The following FBN2 variants were observed in gnomAD, a reference collection of about 807,000 sequenced individuals.
FBN2 encodes fibrillin-2.
A neutral mutation model predicts 355.6 loss-of-function variants in FBN2; 105 were observed. The observed-to-expected ratio is 0.30, with a 90% CI of 0.25 to 0.35. The LOEUF (loss-of-function observed/expected upper bound fraction) is 0.35, where lower values mean the gene tolerates loss of function less well. FBN2 is among the 10% of genes least tolerant of loss of function. The pLI is 1.00. For missense variants in FBN2, 3,280 were observed against 3,758.7 expected, an observed-to-expected ratio of 0.87 and a Z score of 3.33; for synonymous variants, 1,350 against 1,301.2, an observed-to-expected ratio of 1.04 and a Z score of -0.81.
At chr5:128,407,934 A>G (rs1752972928) in intron 8 of FBN2, among the ~76,000 whole-genome samples, 1 of 152,146 alleles carries the variant, frequency 6.6e-6, no homozygotes, top group Non-Finnish European at 1.5e-5. Flanking sequence ...ACCATTCTTT[A>G]AGTATTGGAT....
chr5:128,288,905 A>T (rs1561749934), intron 52 of FBN2, among the ~76,000 whole-genome samples: 1 of 152,188 alleles, frequency 6.6e-6, no homozygotes, highest in Non-Finnish European at 1.5e-5. Context: ...GACACATAAG[A>T]TTTTGTATGT....
rs199749609 is a variant in FBN2, at chr5:128,305,493, A to C, written c.5674+18T>G. ...ATCTTGTGCTCAGTGCCAAAGAATGAGTCAGCCTCTTTCTTACCTACACAG... is the reference window on the plus strand; with the variant it reads ...ATCTTGTGCTCAGTGCCAAAGAATGCGTCAGCCTCTTTCTTACCTACACAG... On this transcript the variant is annotated intron_variant, in intron 44 of 64. Transcript: ENST00000262464. The C allele has an allele frequency of 5.5e-5, 88 of 1,613,796 alleles. No individual in the cohort carries two copies. The Middle Eastern group carries it at 1.5e-3, about 27-fold the overall frequency.
chr5:128,464,861 G>A lies in FBN2; in HGVS notation c.689C>T (p.Thr230Ile). ...CAGAGTCTTCGTGCAGACAATGCCT[G>A]TCAGCTGCCCTTGGCACATCTGGTT... ...VNNQMCQGQL[T>I]GIVCTKTLCC... Residue 230 changes from threonine to isoleucine, a missense_variant, in exon 6 of 65, where the codon ACA becomes ATA. Physicochemically the swap from Thr to Ile is moderately conservative, Grantham distance 89 (BLOSUM62 -1). Around this residue, in one of 6 missense-constraint regions of FBN2, gnomAD observed 130 missense variants for 189.9 expected, o/e 0.68. Coordinates refer to ENST00000262464, the MANE Select transcript of FBN2 (RefSeq NM_001999.4). 1 of 1,614,250 alleles carries A rather than the reference G, an allele frequency of 6.2e-7. No homozygotes were observed. Among genetic ancestry groups the A allele is most frequent in the Non-Finnish European group, 8.5e-7 (1 of 1,180,050 alleles).
chr5:128,431,121 T>G (rs1753615639), intron 7 of FBN2, among the ~76,000 whole-genome samples: 1 of 151,580 alleles, frequency 6.6e-6, no homozygotes, highest in South Asian at 2.1e-4. Flanking sequence ...TAACGAAGAG[T>G]AGAAAAAATA....
chr5:128,270,002 G>C (rs1392049602), intron 62 of FBN2, among the ~76,000 whole-genome samples: 1 of 152,112 alleles, frequency 6.6e-6, no homozygotes, highest in African/African-American at 2.4e-5. Flanking sequence ...CAGACATATA[G>C]ACCAATGGCA....
intron 27 of FBN2, among the ~76,000 whole-genome samples, chr5:128,337,051 C>A (rs949105526): frequency 2.0e-5 from 3 of 152,104 alleles, no homozygotes; most frequent in African/African-American, 7.2e-5. Context: ...AACTAAATAA[C>A]AAAGTAAACT....
intron 8 of FBN2, among the ~76,000 whole-genome samples, chr5:128,403,090 T>C (rs1581266670): frequency 6.6e-6 from 1 of 152,312 alleles, no homozygotes; most frequent in East Asian, 1.9e-4. Context: ...CCAAGTGTTT[T>C]GTTTCAAATG....
At chr5:128,424,152 C>T (rs1753425533) in intron 7 of FBN2, among the ~76,000 whole-genome samples, 1 of 152,032 alleles carries the variant, frequency 6.6e-6, no homozygotes, top group African/African-American at 2.4e-5. Flanking sequence ...CAGGCAGCTC[C>T]AGACAAAGGT....
intron 11 of FBN2, among the ~76,000 whole-genome samples, chr5:128,389,631 C>T (rs896058113): frequency 6.6e-6 from 1 of 152,196 alleles, no homozygotes; most frequent in African/African-American, 2.4e-5. Flanking sequence ...GGTGCCAAAC[C>T]CTCTGGGCTC....
chr5:128,345,246 C>T, intron 24 of FBN2, 111 bp downstream of exon 24: 1 of 906,674 alleles, frequency 1.1e-6, no homozygotes, highest in South Asian at 1.3e-5. Context: ...CTAAGTTTAA[C>T]TGAGAAAATA....
intron 39 of FBN2, among the ~76,000 whole-genome samples, chr5:128,310,948 ATTAAG>A (rs939200456): frequency 1.3e-5 from 2 of 152,188 alleles, no homozygotes; most frequent in Admixed American, 6.5e-5. Context: ...ACTGATCAAT[ATTAAG>A]TTAATGGTCA....
At chr5:128,514,073 C>A (rs1024156321) in intron 5 of FBN2, among the ~76,000 whole-genome samples, 1 of 151,854 alleles carries the variant, frequency 6.6e-6, no homozygotes, top group South Asian at 2.1e-4. Context: ...AGTCTGACAT[C>A]TGCAGTTGGT....
At chr5:128,424,789 G>A (rs1372909745) in intron 7 of FBN2, among the ~76,000 whole-genome samples, 1 of 152,142 alleles carries the variant, frequency 6.6e-6, no homozygotes, top group Non-Finnish European at 1.5e-5. Context: ...CTAATTTGCA[G>A]TAACTCAGGC....
In FBN2 at chr5:128,509,814, G is replaced by A. The variant is rs141964831; in HGVS notation, c.628+9459C>T. On this transcript the variant is annotated intron_variant, in intron 5 of 64. Transcript: ENST00000262464. ...TAGTTAATTGTTCTCCACTATTGAGGCAACACTATTCTGAGTACTCTAACC... is the reference window on the plus strand; with the variant it reads ...TAGTTAATTGTTCTCCACTATTGAGACAACACTATTCTGAGTACTCTAACC... 8.8e-3 allele frequency among the ~76,000 whole-genome samples: 1,341 copies of A among 152,156 alleles called. 11 individuals are homozygous for A. The highest frequency in any genetic ancestry group is 0.014 in the Non-Finnish European group (968 of 68,026).
chr5:128,380,462 T>A (rs1752201828), intron 11 of FBN2, among the ~76,000 whole-genome samples: 1 of 152,074 alleles, frequency 6.6e-6, no homozygotes, highest in South Asian at 2.1e-4. Context: ...TGCAGGACTG[T>A]TTTCTCCCCT....
At chr5:128,337,964 G>C in intron 27 of FBN2, 33 bp downstream of exon 27, 2 of 1,612,140 alleles carry the variant, frequency 1.2e-6, no homozygotes, top group Non-Finnish European at 1.7e-6. Flanking sequence ...CAGTTGTGCT[G>C]GGCAGGTTTA....
chr5:128,436,075 C>T (rs943567469), intron 7 of FBN2, among the ~76,000 whole-genome samples: 4 of 152,176 alleles, frequency 2.6e-5, no homozygotes, highest in African/African-American at 9.7e-5. Flanking sequence ...TAACTAACAC[C>T]GTCAAGGTGC....
intron 6 of FBN2, among the ~76,000 whole-genome samples, chr5:128,451,808 A>G (rs1754255949): frequency 1.3e-5 from 2 of 152,222 alleles, no homozygotes; most frequent in East Asian, 3.8e-4. Flanking sequence ...AAAATATGGT[A>G]AAAGCTGAAA....
At chr5:128,416,920 G>A (rs1007440071) in intron 7 of FBN2, among the ~76,000 whole-genome samples, 5 of 152,100 alleles carry the variant, frequency 3.3e-5, no homozygotes, top group Admixed American at 3.3e-4. Context: ...GGATTGCACT[G>A]AATCTGTAGA....
Sources: gnomAD v4.1 joint callset for allele counts (sites outside exome capture counted in the v4.1 genomes callset) on GRCh38, gnomAD v4.1.1 for gene constraint, gnomAD v4.1.1 regional missense constraint, MANE v1.5 for transcripts, NCBI Gene and HGNC (gene_info 2026-07-23, HGNC 2026-07-21) for gene names.